Variants in RELN observed in about 807,000 individuals in gnomAD.
RELN encodes the protein reelin.
A neutral mutation model predicts 427.6 loss-of-function variants in RELN; 108 were observed. That is an observed-to-expected ratio of 0.25 (90% CI 0.22 to 0.30). RELN has a LOEUF of 0.30. Ranked by LOEUF, RELN falls within the 10% of genes least tolerant of loss-of-function variation. The pLI is 1.00. For synonymous variants in RELN, 1,524 were observed against 1,513.4 expected, an observed-to-expected ratio of 1.01 and a Z score of -0.16; for missense variants, 3,715 against 4,302.8, an observed-to-expected ratio of 0.86 and a Z score of 3.82.
intron 1 of RELN, among the ~76,000 whole-genome samples, chr7:103,925,181 G>A (rs879152628): frequency 7.2e-5 from 11 of 152,128 alleles, no homozygotes; most frequent in African/African-American, 1.4e-4. Flanking sequence ...TGAAATCTCC[G>A]AAGACTGTCC....
intron 3 of RELN, among the ~76,000 whole-genome samples, chr7:103,830,487 A>T (rs1289872369): frequency 6.6e-6 from 1 of 151,984 alleles, no homozygotes; most frequent in Non-Finnish European, 1.5e-5. Flanking sequence ...AGAAAAGAGA[A>T]CCATGGTATA....
At chr7:103,881,316 T>C (rs2116560737) in intron 2 of RELN, among the ~76,000 whole-genome samples, 1 of 152,254 alleles carries the variant, frequency 6.6e-6, no homozygotes, top group East Asian at 1.9e-4. Context: ...ATTATAAAAC[T>C]CTTCCTTTGA....
rs1269258811 is a variant in RELN, at chr7:103,620,807, G to A, written c.2703-9004C>T. On this transcript the variant is annotated intron_variant, in intron 20 of 64. Transcript: ENST00000428762. This position sits in a 1 kb window ranked among gnomAD's most constrained non-coding sequence, Gnocchi z 4.1. ...TCCACATTTATACCACTTCTCATTA[G>A]GATTTGCCCTTTCAACACACTCCTG... 4.6e-5 allele frequency among the ~76,000 whole-genome samples: 7 copies of A among 152,042 alleles called. No individual in the cohort carries two copies. The highest frequency in any genetic ancestry group is 1.2e-4 in the African/African-American group (5 of 41,414).
chr7:103,525,027 G>A (rs1405162283), intron 46 of RELN, among the ~76,000 whole-genome samples: 1 of 152,108 alleles, frequency 6.6e-6, no homozygotes, highest in Non-Finnish European at 1.5e-5. Flanking sequence ...CGCCTCTGGA[G>A]CACTGTTTCT....
In RELN at chr7:103,574,207, T is replaced by C. The variant is rs934123135; in HGVS notation, c.4396A>G (p.Thr1466Ala). Residue 1466 changes from threonine to alanine, a missense_variant, in exon 30 of 65, where the codon ACA (threonine) becomes GCA (alanine). Coordinates refer to ENST00000428762, the MANE Select transcript of RELN (RefSeq NM_005045.4). ...GKLSPLWYKITGAQVGTGCGT... is the reference protein window; with the variant it reads ...GKLSPLWYKIAGAQVGTGCGT... ...CAGCCAGTTCCAACCTGGGCACCTG[T>C]TATCTTGTACCACAGAGGGCTGAGC... 1 of 1,614,182 alleles carries C rather than the reference T, an allele frequency of 6.2e-7. No individual in the cohort carries two copies. Among genetic ancestry groups the C allele is most frequent in the Non-Finnish European group, 8.5e-7 (1 of 1,180,018 alleles).
intron 1 of RELN, among the ~76,000 whole-genome samples, chr7:103,922,959 T>C (rs117077415): frequency 0.02 from 3,047 of 152,134 alleles, 43 homozygotes; most frequent in South Asian, 0.063. Flanking sequence ...CATCAGAGGA[T>C]AGCAAATTGC....
intron 1 of RELN, among the ~76,000 whole-genome samples, chr7:103,977,968 A>T (rs1796915501): frequency 6.6e-6 from 1 of 152,236 alleles, no homozygotes; most frequent in African/African-American, 2.4e-5. Flanking sequence ...TAATACTCTA[A>T]TAACCATCCT....
Position 103,697,935 on chromosome 7 carries a change from G to A in RELN, c.1061C>T (p.Ala354Val). Residue 354 changes from alanine (A) to valine (V), a missense_variant, in exon 10 of 65, where the codon GCT becomes GTT. Around this residue, in one of 4 missense-constraint regions of RELN, gnomAD observed 2,208 missense variants for 2,361.7 expected, o/e 0.93. Transcript: ENST00000428762. Reference sequence around the variant, plus strand: ...ATCTTCTAAAACGACTTGTCTGTGAGCTGAATTGATGATCAAGATGTTATC... The same window carrying A: ...ATCTTCTAAAACGACTTGTCTGTGAACTGAATTGATGATCAAGATGTTATC... Reference protein sequence around the residue: ...ALDNILIINSAHRQVVLEDSL... With the variant: ...ALDNILIINSVHRQVVLEDSL... 1 of 1,613,782 alleles carries A rather than the reference G, an allele frequency of 6.2e-7. No individual in the cohort carries two copies. Among genetic ancestry groups the A allele is most frequent in the Non-Finnish European group, 8.5e-7 (1 of 1,179,836 alleles).
chr7:103,539,997 T>A (rs1353804515), intron 44 of RELN, among the ~76,000 whole-genome samples, 200 bp downstream of exon 44: 1 of 152,240 alleles, frequency 6.6e-6, no homozygotes, highest in Non-Finnish European at 1.5e-5. Context: ...TTTATTTTTA[T>A]AAGCTTAGGC....
At chr7:103,792,326 T>C (rs1390632675) in intron 3 of RELN, among the ~76,000 whole-genome samples, 1 of 152,164 alleles carries the variant, frequency 6.6e-6, no homozygotes, top group African/African-American at 2.4e-5. Context: ...TAAATGTCTG[T>C]CCACAGATGA....
At chr7:103,884,320 A>G (rs1382153325) in intron 2 of RELN, among the ~76,000 whole-genome samples, 1 of 152,246 alleles carries the variant, frequency 6.6e-6, no homozygotes, top group Non-Finnish European at 1.5e-5. Flanking sequence ...ACCTGAAACC[A>G]TAAAAACCCT....
Position 103,728,122 on chromosome 7 carries a change from G to T in RELN, c.742C>A (p.Pro248Thr). 6.2e-7 allele frequency: 1 copy of T among 1,613,700 alleles called. No individual in the cohort carries two copies. The highest frequency in any genetic ancestry group is 1.1e-5 in the South Asian group (1 of 91,078). Reference sequence around the variant, plus strand: ...TAGCACATACTTACCAGTTCTCGTGGGCCATATGGTTCACAGAAGGTGACG... The same window carrying T: ...TAGCACATACTTACCAGTTCTCGTGTGCCATATGGTTCACAGAAGGTGACG... ...NAVTFCEPYGPRELITTGLNT... is the reference protein window; with the variant it reads ...NAVTFCEPYGTRELITTGLNT... The change falls in exon 7 of 65, where the codon CCA becomes ACA. Residue 248 changes from proline (P) to threonine (T), a missense_variant. By Grantham distance (38) the Pro-to-Thr change is conservative (BLOSUM62 -1). This residue lies in a region of RELN where 2,208 missense variants were observed against 2,361.7 expected (regional missense o/e 0.93). Transcript: ENST00000428762.
intron 16 of RELN, among the ~76,000 whole-genome samples, chr7:103,649,024 T>C (rs74436348): frequency 0.038 from 5,854 of 152,088 alleles, 158 homozygotes; most frequent in African/African-American, 0.071. Flanking sequence ...GAAAACAGTA[T>C]AGATATCTCT....
At chr7:103,765,852 A>G (rs1166222000) in intron 4 of RELN, among the ~76,000 whole-genome samples, 1 of 152,208 alleles carries the variant, frequency 6.6e-6, no homozygotes, top group Admixed American at 6.5e-5. Flanking sequence ...GGGAATGTAT[A>G]TAGCCCTCAG....
At chr7:103,775,611 C>T (rs1343560786) in intron 4 of RELN, among the ~76,000 whole-genome samples, 3 of 152,004 alleles carry the variant, frequency 2.0e-5, no homozygotes, top group Non-Finnish European at 2.9e-5. Flanking sequence ...AACAAATTCC[C>T]CCCCAAATGT....
chr7:103,802,016 G>A (rs1348782010), intron 3 of RELN, among the ~76,000 whole-genome samples: 9 of 152,110 alleles, frequency 5.9e-5, no homozygotes, highest in African/African-American at 1.9e-4. Flanking sequence ...GGCATAATTC[G>A]TGGCACATAG....
chr7:103,831,074 G>A lies in RELN; in HGVS notation c.473+2463C>T, dbSNP rs1584276347. ...TAGAGTTTTATATCTCAAAAGTAGT[G>A]AGATCATAAGCTATCAAATATCATT... is the stretch of plus-strand genomic sequence containing the variant. On this transcript the variant is annotated intron_variant, in intron 3 of 64. Transcript: ENST00000428762. 2.0e-5 allele frequency among the ~76,000 whole-genome samples: 3 copies of A among 152,216 alleles called. No homozygotes were observed. In the East Asian group the frequency reaches 5.8e-4, roughly 29 times the overall value.
In RELN at chr7:103,652,709, A is replaced by G; in HGVS notation, c.1605T>C (p.Ala535=). Residue 535 remains alanine, a synonymous_variant, in exon 14 of 65, where the codon GCT becomes GCC. Transcript: ENST00000428762. ...TCTTTTGCCTGAGACAAAATTTGGT[A>G]GCAGGAGTCTGAAGTTCAGGATTGA... ...VVINPELQTP[A]TKFCLRQKNH... is the part of the protein sequence containing the mutation. 2 of 1,612,952 alleles carry G rather than the reference A, an allele frequency of 1.2e-6. No homozygotes were observed. The highest frequency in any genetic ancestry group is 1.7e-6 in the Non-Finnish European group (2 of 1,179,246).
chr7:103,701,180 G>T (rs1424473666), intron 8 of RELN, among the ~76,000 whole-genome samples, 174 bp from the exon 9 acceptor site: 1 of 151,896 alleles, frequency 6.6e-6, no homozygotes, highest in Non-Finnish European at 1.5e-5. Context: ...ACTACCATTT[G>T]ATAAATAATC....
Sources: gnomAD v4.1 joint callset for allele counts (sites outside exome capture counted in the v4.1 genomes callset) on GRCh38, gnomAD v4.1.1 for gene constraint, gnomAD v4.1.1 regional missense constraint, Gnocchi (gnomAD v3.1) non-coding constraint, MANE v1.5 for transcripts, NCBI Gene and HGNC (gene_info 2026-07-23, HGNC 2026-07-21) for gene names.